The following GRID1 variants were observed in gnomAD, a reference collection of about 807,000 sequenced individuals.
The protein encoded by GRID1 is glutamate ionotropic receptor delta type subunit 1.
A neutral mutation model predicts 98.0 loss-of-function variants in GRID1; 28 were observed. The ratio of observed to expected loss-of-function variants is 0.29; its 90% confidence interval spans 0.21 to 0.39. The LOEUF (loss-of-function observed/expected upper bound fraction) is 0.39, where lower values mean the gene tolerates loss of function less well. GRID1 is among the 10% of genes least tolerant of loss of function. The probability of loss-of-function intolerance (pLI) is 1.00; values close to 1 mark genes in which losing one functional copy is unlikely to be tolerated. For missense variants in GRID1, 1,111 were observed against 1,340.5 expected (o/e 0.83, Z 2.67); for synonymous variants, 553 against 538.5 (o/e 1.03, Z -0.37).
At chr10:85,951,029 T>C (rs2131843568) in intron 4 of GRID1, among the ~76,000 whole-genome samples, 1 of 152,226 alleles carries the variant, frequency 6.6e-6, no homozygotes, top group Non-Finnish European at 1.5e-5. Context: ...GGACTCCATC[T>C]GGCTCTGGTT....
At chr10:85,818,149 G>A (rs1371444815) in intron 8 of GRID1, among the ~76,000 whole-genome samples, 2 of 152,308 alleles carry the variant, frequency 1.3e-5, no homozygotes, top group Middle Eastern at 3.4e-3. Flanking sequence ...GTAGATAATG[G>A]AAGCCAACTT....
chr10:85,892,669 G>A (rs1445465481), intron 5 of GRID1, among the ~76,000 whole-genome samples: 4 of 151,630 alleles, frequency 2.6e-5, no homozygotes, highest in African/African-American at 9.7e-5. Flanking sequence ...AATCTAAATA[G>A]TCCTAGATCT....
At chr10:86,134,369 GGA>G (rs1844883063) in intron 4 of GRID1, among the ~76,000 whole-genome samples, 1 of 152,170 alleles carries the variant, frequency 6.6e-6, no homozygotes, top group Non-Finnish European at 1.5e-5. Context: ...ATGGATGAAC[GGA>G]GAGAGAGGTG....
rs1554857354 is a variant in GRID1 at position 85,599,919 on chromosome 10, T to TCTCACACACACA, written c.*2353_*2354insTGTGTGTGTGAG. 6.4e-4 allele frequency: 84 copies of TCTCACACACACA among 131,510 alleles called. No homozygotes were observed. Among genetic ancestry groups the TCTCACACACACA allele is most frequent in the African/African-American group, 2.5e-3 (79 of 31,950 alleles). 8.1% of individuals were successfully genotyped at this position (131,510 alleles called of 1,614,324 possible). ...GTCTCTCTCTCTCTCTCTCTCTCTC[T>TCTCACACACACA]CACACACACACACACACACAAACAC... On this transcript the variant is annotated 3_prime_UTR_variant, in exon 16 of 16. Transcript: ENST00000327946.
intron 4 of GRID1, among the ~76,000 whole-genome samples, chr10:86,007,046 T>A (rs1379981843): frequency 6.6e-6 from 1 of 152,164 alleles, no homozygotes; most frequent in South Asian, 2.1e-4. Context: ...CAGTTTAATA[T>A]TGAGAGGCTT....
chr10:85,871,124 T>C (rs1843274370), intron 5 of GRID1, among the ~76,000 whole-genome samples: 1 of 152,108 alleles, frequency 6.6e-6, no homozygotes, highest in African/African-American at 2.4e-5. Context: ...CCATCATACG[T>C]TGAAAATATC....
chr10:85,865,955 G>GGAGAGA (rs11468652), intron 6 of GRID1, among the ~76,000 whole-genome samples: 1 of 84,700 alleles, frequency 1.2e-5, no homozygotes, highest in Non-Finnish European at 2.2e-5. Flanking sequence ...ACATATATAT[G>GGAGAGA]GAGAGAGAGA....
intron 4 of GRID1, among the ~76,000 whole-genome samples, chr10:85,976,255 A>G (rs1842471221): frequency 6.6e-6 from 1 of 152,246 alleles, no homozygotes. Flanking sequence ...TGTAGCAATT[A>G]ATCTATCTGC....
chr10:86,257,448 T>C (rs538973180), intron 2 of GRID1, among the ~76,000 whole-genome samples: 12 of 152,248 alleles, frequency 7.9e-5, no homozygotes, highest in East Asian at 7.7e-4. Context: ...CAGAGATGGA[T>C]TGAGAGTCAC....
In GRID1 at chr10:85,935,649, A is replaced by G. The variant is rs112895923; in HGVS notation, c.727-19410T>C. On this transcript the variant is annotated intron_variant, in intron 4 of 15. Coordinates refer to ENST00000327946, the MANE Select transcript of GRID1 (RefSeq NM_017551.3). ...TCAAAAACACCAATCATCATAGCCA[A>G]TTGCATAGCAATTTCTATATGCCAG... Among the ~76,000 whole-genome samples the G allele has an allele frequency of 7.7e-3, 1,177 of 152,288 alleles. 18 individuals carry two copies. The highest frequency in any genetic ancestry group is 0.027 in the African/African-American group (1,126 of 41,558).
intron 2 of GRID1, among the ~76,000 whole-genome samples, chr10:86,270,217 A>G (rs1847163866): frequency 6.6e-6 from 1 of 152,148 alleles, no homozygotes; most frequent in African/African-American, 2.4e-5. Flanking sequence ...GGCAGGGGCT[A>G]TGCATTGTTC....
At chr10:86,067,357 C>T (rs770695661) in intron 4 of GRID1, among the ~76,000 whole-genome samples, 2 of 152,136 alleles carry the variant, frequency 1.3e-5, no homozygotes, top group Non-Finnish European at 2.9e-5. Flanking sequence ...TTTTGAGTCA[C>T]GAGGCAGGTC....
chr10:85,942,381 AG>A (rs1166185252), intron 4 of GRID1, among the ~76,000 whole-genome samples: 1 of 152,150 alleles, frequency 6.6e-6, no homozygotes, highest in African/African-American at 2.4e-5. Flanking sequence ...CAGAGTTCAG[AG>A]GGGTCTCTGA....
chr10:85,751,167 C>T (rs752070521), intron 8 of GRID1, among the ~76,000 whole-genome samples: 12 of 152,140 alleles, frequency 7.9e-5, no homozygotes, highest in Non-Finnish European at 1.0e-4. Flanking sequence ...TCTAACTAAA[C>T]GGAGCAGAAA....
At chr10:85,778,832 C>A (rs1842356764) in intron 8 of GRID1, among the ~76,000 whole-genome samples, 1 of 152,160 alleles carries the variant, frequency 6.6e-6, no homozygotes. Context: ...GCTGTGGGAT[C>A]CTGGGTGAGC....
chr10:85,727,161 G>A (rs1046874601), intron 10 of GRID1, among the ~76,000 whole-genome samples: 2 of 152,292 alleles, frequency 1.3e-5, no homozygotes, highest in Non-Finnish European at 1.5e-5. Flanking sequence ...CCCTGGAGGC[G>A]AGGAGGTCAA....
chr10:85,678,768 C>T (rs762790507), intron 12 of GRID1, among the ~76,000 whole-genome samples: 11 of 152,102 alleles, frequency 7.2e-5, no homozygotes, highest in Non-Finnish European at 1.0e-4. Context: ...CTGCCACCAC[C>T]GCCTCTACAA....
intron 4 of GRID1, among the ~76,000 whole-genome samples, chr10:85,953,207 A>G (rs2131844688): frequency 6.6e-6 from 1 of 152,208 alleles, no homozygotes; most frequent in South Asian, 2.1e-4. Flanking sequence ...AAAGAATGAG[A>G]TCATGTCCTT....
At chr10:86,224,171 C>T (rs1009167766) in intron 2 of GRID1, among the ~76,000 whole-genome samples, 3 of 152,340 alleles carry the variant, frequency 2.0e-5, no homozygotes, top group East Asian at 1.9e-4. Flanking sequence ...CTCCCACCCC[C>T]GACACTCCCA....
Sources: allele counts gnomAD v4.1 joint callset (sites outside exome capture counted in the v4.1 genomes callset), GRCh38; gene constraint gnomAD v4.1.1; transcripts MANE v1.5; gene names NCBI Gene and HGNC (gene_info 2026-07-23, HGNC 2026-07-21).